Variants in NOL10 observed in about 807,000 individuals in gnomAD.
The protein encoded by NOL10 is H_NH0074G24.1.
NOL10 carries 58 observed loss-of-function variants against 103.5 expected under a neutral mutation model. The observed-to-expected ratio is 0.56, with a 90% CI of 0.45 to 0.70. The LOEUF (loss-of-function observed/expected upper bound fraction) is 0.70, where lower values mean the gene tolerates loss of function less well. Among genes scored for constraint, NOL10 ranks in the 30% least tolerant of loss-of-function variants. The probability of loss-of-function intolerance (pLI) is 0.00; values close to 1 mark genes in which losing one functional copy is unlikely to be tolerated. For missense variants in NOL10, 763 were observed against 807.3 expected (o/e 0.95, Z 0.67); for synonymous variants, 287 against 282.5 (o/e 1.02, Z -0.16).
rs1287821106 is a variant in NOL10 at position 10,602,849 on chromosome 2, G to A, written c.1259C>T (p.Ala420Val). 5 of 1,607,922 alleles carry A rather than the reference G, an allele frequency of 3.1e-6. No homozygotes were observed. Among genetic ancestry groups the A allele is most frequent in the Non-Finnish European group, 4.2e-6 (5 of 1,176,576 alleles). The change falls in exon 16 of 21, where the codon GCT (alanine) becomes GTT (valine). Residue 420 changes from alanine (A) to valine (V), a missense_variant. Ala to Val is a moderately conservative substitution (Grantham distance 64). Coordinates refer to ENST00000381685, the MANE Select transcript of NOL10 (RefSeq NM_024894.4). ...TTTATCTTTCCTATATTCTTCATAA[G>A]CAAATGGATTTACCATCAGTTTCAC... The part of the protein sequence containing the change: ...HKVKLMVNPF[A>V]YEEYRKDKIR...
intron 6 of NOL10, among the ~76,000 whole-genome samples, chr2:10,670,960 T>C (rs899139556): frequency 6.6e-6 from 1 of 152,240 alleles, no homozygotes; most frequent in African/African-American, 2.4e-5. Context: ...ATCAACTACA[T>C]AATGAAAGAT....
chr2:10,671,406 T>C (rs1007555953), intron 6 of NOL10, 148 bp downstream of exon 6: 8 of 720,176 alleles, frequency 1.1e-5, no homozygotes, highest in African/African-American at 1.9e-5. Flanking sequence ...TGTGTTTTCT[T>C]TTCTTTTTTT....
chr2:10,652,056 A>G (rs893950191), intron 12 of NOL10, among the ~76,000 whole-genome samples: 8 of 152,082 alleles, frequency 5.3e-5, no homozygotes, highest in Non-Finnish European at 5.9e-5. Flanking sequence ...CCTGACCAAC[A>G]TGGTGAAACC....
At chr2:10,628,283 C>T (rs1039854891) in intron 13 of NOL10, among the ~76,000 whole-genome samples, 1 of 152,192 alleles carries the variant, frequency 6.6e-6, no homozygotes, top group Non-Finnish European at 1.5e-5. Flanking sequence ...CACAGGTACA[C>T]TCTGCACATG....
chr2:10,599,019 T>G lies in NOL10; in HGVS notation c.1422+1834A>C, dbSNP rs959004472. Among the ~76,000 whole-genome samples, 8 of 152,196 alleles carry G rather than the reference T, an allele frequency of 5.3e-5. 1 individual carries two copies. Among genetic ancestry groups the G allele is most frequent in the Non-Finnish European group, 1.5e-5 (1 of 68,034 alleles). On this transcript the variant is annotated intron_variant, in intron 17 of 20. Coordinates refer to ENST00000381685, the MANE Select transcript of NOL10 (RefSeq NM_024894.4). ...ACTTGTGAGGTCATTTCCACCATCC[T>G]GCACTATGGGGTATTCTAAATCTTC... is the stretch of plus-strand genomic sequence containing the variant.
chr2:10,578,784 T>C (rs1674602477), intron 19 of NOL10, among the ~76,000 whole-genome samples: 2 of 152,246 alleles, frequency 1.3e-5, no homozygotes, highest in Admixed American at 1.3e-4. Flanking sequence ...CTCTAACTTT[T>C]CTAGAAATGG....
At chr2:10,689,728 G>A in intron 1 of NOL10, 68 bp downstream of exon 1, 2 of 1,461,472 alleles carry the variant, frequency 1.4e-6, no homozygotes, top group Non-Finnish European at 1.9e-6. Flanking sequence ...CCGAGGAGAG[G>A]GGCGGCTGCC....
At chr2:10,614,457 T>G (rs1676733200) in intron 13 of NOL10, among the ~76,000 whole-genome samples, 1 of 152,136 alleles carries the variant, frequency 6.6e-6, no homozygotes, top group African/African-American at 2.4e-5. Context: ...CTTTTTGCAT[T>G]TTAAAAAAGT....
In NOL10 at chr2:10,587,066, TACA is replaced by T. The variant is rs1558269901; in HGVS notation, c.1844+1974_1844+1976del. 1.7e-4 allele frequency among the ~76,000 whole-genome samples: 7 copies of T among 40,400 alleles called. 1 individual carries two copies. The highest frequency in any genetic ancestry group is 2.7e-4 in the Admixed American group (1 of 3,674). 26.5% of individuals were successfully genotyped at this position (40,400 alleles called of 152,430 possible). On this transcript the variant is annotated intron_variant, in intron 19 of 20. Coordinates refer to ENST00000381685, the MANE Select transcript of NOL10 (RefSeq NM_024894.4). Reference sequence around the variant, plus strand: ...ATGTATATATATATACATATATATATACATATATATACATATATATACATATAT... The same window carrying T: ...ATGTATATATATATACATATATATATTATATATACATATATATACATATAT...
At chr2:10,649,799 C>T (rs966546883) in intron 12 of NOL10, among the ~76,000 whole-genome samples, 2 of 152,142 alleles carry the variant, frequency 1.3e-5, no homozygotes, top group Non-Finnish European at 2.9e-5. Context: ...GCAAAAGCCA[C>T]ATGGACAATG....
chr2:10,685,443 A>C (rs1328162966), intron 1 of NOL10, among the ~76,000 whole-genome samples: 1 of 130,900 alleles, frequency 7.6e-6, no homozygotes, highest in Non-Finnish European at 1.5e-5. Flanking sequence ...CAGGGAGCTG[A>C]GATCTTCCCA....
intron 19 of NOL10, among the ~76,000 whole-genome samples, chr2:10,585,454 A>G (rs2148153502): frequency 6.6e-6 from 1 of 152,374 alleles, no homozygotes; most frequent in South Asian, 2.1e-4. Context: ...ATAGATGAAA[A>G]CATATGCAAA....
At chr2:10,652,441 TAC>T (rs1416373851) in intron 12 of NOL10, among the ~76,000 whole-genome samples, 2 of 151,932 alleles carry the variant, frequency 1.3e-5, no homozygotes, top group Non-Finnish European at 2.9e-5. Context: ...GACCACTGAC[TAC>T]ACAGTTATAA....
chr2:10,571,834 T>G lies in NOL10; in HGVS notation c.*237A>C. 1 of 391,488 alleles carries G rather than the reference T, an allele frequency of 2.6e-6. No homozygotes were observed. Among genetic ancestry groups the G allele is most frequent in the Non-Finnish European group, 4.5e-6 (1 of 220,454 alleles). The allele number at this position is 391,488 out of a possible 1,614,324, so 24.3% of individuals were successfully genotyped here. A position where few individuals can be genotyped will look rare whatever the true frequency, so the allele number is the denominator to read the frequency against. On this transcript the variant is annotated 3_prime_UTR_variant, in exon 21 of 21. Transcript: ENST00000381685. ...GATTAACGCCGTGGGGAAAGGACAA[T>G]GTTTCCAGGGAGCAACGACTCGCAA...
Position 10,607,331 on chromosome 2 carries a change from G to A in NOL10, c.1027-20C>T, listed in dbSNP as rs1380817286. 8 of 1,584,202 alleles carry A rather than the reference G, an allele frequency of 5.0e-6. No individual in the cohort carries two copies. The highest frequency in any genetic ancestry group is 6.8e-6 in the Non-Finnish European group (8 of 1,168,908). On this transcript the variant is annotated intron_variant, in intron 13 of 20. Coordinates refer to ENST00000381685, the MANE Select transcript of NOL10 (RefSeq NM_024894.4). ...CAAAACCTGTTGGTGTTTATGAGAAGGTCAGCAAAGGCACAGTTTACCACG... is the reference window on the plus strand; with the variant it reads ...CAAAACCTGTTGGTGTTTATGAGAAAGTCAGCAAAGGCACAGTTTACCACG...
intron 13 of NOL10, among the ~76,000 whole-genome samples, chr2:10,627,105 T>A (rs1572323645): frequency 6.6e-6 from 1 of 152,314 alleles, no homozygotes; most frequent in East Asian, 1.9e-4. Flanking sequence ...GAAGTCCACA[T>A]TTCCCCTTTG....
intron 13 of NOL10, among the ~76,000 whole-genome samples, chr2:10,608,073 T>A (rs1452369908): frequency 6.6e-6 from 1 of 152,138 alleles, no homozygotes; most frequent in East Asian, 1.9e-4. Context: ...CTACGTGAGG[T>A]GATGCAAATG....
At chr2:10,652,645 G>A (rs150742422) in intron 12 of NOL10, among the ~76,000 whole-genome samples, 1 of 152,202 alleles carries the variant, frequency 6.6e-6, no homozygotes, top group East Asian at 1.9e-4. Flanking sequence ...TTCCCATCCG[G>A]TTTCTCAGCT....
chr2:10,647,803 G>C (rs972366727), intron 12 of NOL10, among the ~76,000 whole-genome samples: 1 of 152,200 alleles, frequency 6.6e-6, no homozygotes, highest in East Asian at 1.9e-4. Context: ...GGAATAAAAG[G>C]CTATTTCACA....
Sources: allele counts gnomAD v4.1 joint callset (sites outside exome capture counted in the v4.1 genomes callset), GRCh38; gene constraint gnomAD v4.1.1; transcripts MANE v1.5; gene names NCBI Gene and HGNC (gene_info 2026-07-23, HGNC 2026-07-21).